MCTP1: variants seen among roughly 807,000 people sequenced by gnomAD.
MCTP1 encodes multiple C2 and transmembrane domain-containing protein 1.
A neutral mutation model predicts 120.6 loss-of-function variants in MCTP1; 69 were observed. That is an observed-to-expected ratio of 0.57 (90% confidence interval 0.47 to 0.70). The LOEUF (loss-of-function observed/expected upper bound fraction) is 0.70. MCTP1 is among the 30% of genes least tolerant of loss of function. The pLI is 0.00. For synonymous variants in MCTP1, 529 were observed against 493.1 expected (o/e 1.07, Z -0.96); for missense variants, 1,203 against 1,248.8 (o/e 0.96, Z 0.55).
intron 2 of MCTP1, among the ~76,000 whole-genome samples, chr5:94,958,061 A>G (rs1030843076): frequency 8.5e-5 from 13 of 152,214 alleles, no homozygotes; most frequent in African/African-American, 1.9e-4. Context: ...AAATTATAAC[A>G]AACAGTCTCT....
At position 95,259,081 on chromosome 5, in the gene MCTP1, A is replaced by C. The variant is rs932900590; in HGVS notation, c.720+24775T>G. On this transcript the variant is annotated intron_variant, in intron 1 of 22. Coordinates refer to ENST00000515393, the MANE Select transcript of MCTP1 (RefSeq NM_024717.7). Reference sequence around the variant, plus strand: ...ATCAGCACCTGTGTCTTTGTGTCTGAGGCCAAGAATAAATTCATCAACTGG... The same window carrying C: ...ATCAGCACCTGTGTCTTTGTGTCTGCGGCCAAGAATAAATTCATCAACTGG... Among the ~76,000 whole-genome samples the C allele has an allele frequency of 5.0e-4, 76 of 152,318 alleles. 1 individual carries two copies. Among genetic ancestry groups the C allele is most frequent in the African/African-American group, 1.8e-3 (73 of 41,574 alleles).
chr5:94,859,315 A>T (rs370393774), intron 17 of MCTP1, among the ~76,000 whole-genome samples: 2 of 151,704 alleles, frequency 1.3e-5, no homozygotes, highest in Non-Finnish European at 3.0e-5. Flanking sequence ...AGTGGGGGAC[A>T]GGGTAGAGCC....
intron 6 of MCTP1, 62 bp downstream of exon 6, chr5:94,931,890 TG>T (rs1279627533): frequency 5.0e-6 from 6 of 1,206,382 alleles, no homozygotes; most frequent in Non-Finnish European, 7.3e-6. Context: ...GAGAGAGATC[TG>T]GGAAAGCAGA....
chr5:95,130,402 G>C (rs1364585385), intron 1 of MCTP1, among the ~76,000 whole-genome samples: 1 of 152,190 alleles, frequency 6.6e-6, no homozygotes, highest in Non-Finnish European at 1.5e-5. Flanking sequence ...TGGGGAGTGA[G>C]AGAGACAGGT....
At chr5:95,101,891 CAT>C (rs1259293734) in intron 1 of MCTP1, among the ~76,000 whole-genome samples, 1 of 152,162 alleles carries the variant, frequency 6.6e-6, no homozygotes, top group Non-Finnish European at 1.5e-5. Context: ...TGATGAAAAA[CAT>C]AGCTGTTCTT....
chr5:94,901,092 C>T (rs1352424571), intron 10 of MCTP1, among the ~76,000 whole-genome samples: 1 of 152,212 alleles, frequency 6.6e-6, no homozygotes, highest in Non-Finnish European at 1.5e-5. Context: ...AATAAAGACA[C>T]ACCCAACACT....
intron 5 of MCTP1, among the ~76,000 whole-genome samples, chr5:94,938,259 C>G (rs577138762): frequency 1.3e-5 from 2 of 151,208 alleles, no homozygotes; most frequent in South Asian, 4.2e-4. Flanking sequence ...GGGGAAAGAC[C>G]CAAACCTTAA....
At chr5:95,243,193 T>C (rs1271977119) in intron 1 of MCTP1, among the ~76,000 whole-genome samples, 2 of 151,808 alleles carry the variant, frequency 1.3e-5, no homozygotes, top group Non-Finnish European at 2.9e-5. Flanking sequence ...TTCCCAATGA[T>C]AAGAAAAGAT....
intron 1 of MCTP1, among the ~76,000 whole-genome samples, chr5:95,091,906 T>C (rs1395292234): frequency 6.6e-6 from 1 of 152,164 alleles, no homozygotes; most frequent in Non-Finnish European, 1.5e-5. Context: ...AGACAGGCAG[T>C]AAGTGGAGGC....
intron 10 of MCTP1, among the ~76,000 whole-genome samples, chr5:94,897,459 C>A (rs1426755945): frequency 6.6e-6 from 1 of 152,114 alleles, no homozygotes; most frequent in Non-Finnish European, 1.5e-5. Context: ...TGGGTTCAAG[C>A]AATTCTCGTG....
chr5:95,275,078 C>A (rs1316610376), intron 1 of MCTP1, among the ~76,000 whole-genome samples: 1 of 152,240 alleles, frequency 6.6e-6, no homozygotes, highest in African/African-American at 2.4e-5. Context: ...CATATTGATG[C>A]TTACATGTAT....
rs770558504 is a variant in MCTP1, at chr5:94,868,954, T to TTATC, written c.2317-506_2317-503dup. Among the ~76,000 whole-genome samples, 327 of 151,966 alleles carry TTATC rather than the reference T, an allele frequency of 2.2e-3. 1 individual carries two copies. Among genetic ancestry groups the TTATC allele is most frequent in the African/African-American group, 7.0e-3 (290 of 41,512 alleles). The stretch of plus-strand genomic sequence containing the variant: ...AATTCCTCCCATTCTTACTATCATA[T>TTATC]TATCTATCTATCTATCTATCTTCTA... On this transcript the variant is annotated intron_variant, in intron 16 of 22. Coordinates refer to ENST00000515393, the MANE Select transcript of MCTP1 (RefSeq NM_024717.7).
Position 94,714,807 on chromosome 5 carries a change from T to G in MCTP1, c.2690A>C (p.Glu897Ala), listed in dbSNP as rs1758476089. 1 of 1,611,116 alleles carries G rather than the reference T, an allele frequency of 6.2e-7. No individual in the cohort carries two copies. Among genetic ancestry groups the G allele is most frequent in the Non-Finnish European group, 8.5e-7 (1 of 1,177,524 alleles). ...VCVSVQNILD[E>A]VASFGERIKN... The stretch of plus-strand genomic sequence containing the variant: ...TATCCTTTCGCCAAAGGAAGCCACT[T>G]CATCTAGGATGTTCTGGACACTGAC... The change falls in exon 20 of 23, where the codon GAA becomes GCA. Residue 897 changes from glutamate (E) to alanine (A), a missense_variant. Transcript: ENST00000515393.
rs1050617220 is a variant in MCTP1 at position 94,885,151 on chromosome 5, G to A, written c.1933+3728C>T. On this transcript the variant is annotated intron_variant, in intron 12 of 22. Transcript: ENST00000515393. Reference sequence around the variant, plus strand: ...TTAATTTGAGAGATCAATTCACCTGGGGTGGAGAAGTTTTATATTAGTGTA... The same window carrying A: ...TTAATTTGAGAGATCAATTCACCTGAGGTGGAGAAGTTTTATATTAGTGTA... Among the ~76,000 whole-genome samples the A allele has an allele frequency of 2.6e-5, 4 of 152,056 alleles. No individual in the cohort carries two copies. In the South Asian group the frequency reaches 6.2e-4, roughly 24 times the overall value.
chr5:94,969,620 A>G (rs1289622536), intron 2 of MCTP1, among the ~76,000 whole-genome samples: 1 of 152,166 alleles, frequency 6.6e-6, no homozygotes, highest in African/African-American at 2.4e-5. Flanking sequence ...GAAAAAAGAC[A>G]AAAGAAAAAA....
At chr5:95,131,089 A>G (rs537052357) in intron 1 of MCTP1, among the ~76,000 whole-genome samples, 4 of 152,298 alleles carry the variant, frequency 2.6e-5, no homozygotes, top group Non-Finnish European at 4.4e-5. Flanking sequence ...GTCGCTGTCC[A>G]TCATTTCCCT....
intron 1 of MCTP1, among the ~76,000 whole-genome samples, chr5:95,165,800 T>G (rs1250387060): frequency 6.6e-6 from 1 of 152,252 alleles, no homozygotes; most frequent in Non-Finnish European, 1.5e-5. Flanking sequence ...ATTCTGATTC[T>G]GCCCGGCTGT....
rs1275062164 is a variant in MCTP1 at position 94,927,672 on chromosome 5, A to G, written c.1213-3651T>C. ...TCTAGCTGACTGTGTGAGATACTTA[A>G]AGATGTGTTAATCTGTTTCTCCACC... On this transcript the variant is annotated intron_variant, in intron 6 of 22. Transcript: ENST00000515393. Among the ~76,000 whole-genome samples the G allele has an allele frequency of 5.3e-5, 8 of 152,272 alleles. No individual in the cohort carries two copies. The East Asian group carries it at 1.5e-3, about 29-fold the overall frequency.
rs532640500 is a variant in MCTP1, at chr5:94,875,763, T to C, written c.1934-2522A>G. On this transcript the variant is annotated intron_variant, in intron 12 of 22. Coordinates refer to ENST00000515393, the MANE Select transcript of MCTP1 (RefSeq NM_024717.7). ...CCAAGTCAGTTCTTTTTTTTTTTTT[T>C]CCAAGGAGAATAAGCATTCAACAAG... Among the ~76,000 whole-genome samples, 64 of 151,968 alleles carry C rather than the reference T, an allele frequency of 4.2e-4. 1 individual carries two copies. In the East Asian group the frequency reaches 9.9e-3, roughly 24 times the overall value.
Sources: gnomAD v4.1 joint callset for allele counts (sites outside exome capture counted in the v4.1 genomes callset) on GRCh38, gnomAD v4.1.1 for gene constraint, MANE v1.5 for transcripts, NCBI Gene and HGNC (gene_info 2026-07-23, HGNC 2026-07-21) for gene names.